The following A2M variants were observed in gnomAD, a reference collection of about 807,000 sequenced individuals.
A2M encodes alpha-2-macroglobulin.
In A2M, 128 loss-of-function variants were observed where a neutral mutation model predicts 183.9. The observed-to-expected ratio is 0.70, with a 90% CI of 0.60 to 0.81. A2M has a LOEUF of 0.81. Among genes scored for constraint, A2M ranks in the 30% least tolerant of loss-of-function variants. The pLI is 0.00. For missense variants in A2M, 1,495 were observed against 1,787.6 expected (o/e 0.84, Z 2.95); for synonymous variants, 592 against 670.8 (o/e 0.88, Z 1.81).
intron 4 of A2M, among the ~76,000 whole-genome samples, chr12:9,111,708 AC>A (rs1938741529): frequency 6.6e-6 from 1 of 152,216 alleles, no homozygotes. Context: ...TGTCTGCATT[AC>A]AATAGAAAGA....
Position 9,112,213 on chromosome 12 carries a change from T to A in A2M, c.431-2A>T, listed in dbSNP as rs1452853333. 3.1e-6 allele frequency: 5 copies of A among 1,613,782 alleles called. No homozygotes were observed. Among genetic ancestry groups the A allele is most frequent in the Non-Finnish European group, 4.2e-6 (5 of 1,179,754 alleles). On this transcript the variant is annotated splice_acceptor_variant, in intron 3 of 35. Coordinates refer to ENST00000318602, the MANE Select transcript of A2M (RefSeq NM_000014.6). LOFTEE classifies it high-confidence loss of function. The stretch of plus-strand genomic sequence containing the variant: ...CCATGGAGACAACACGAAATTTCAC[T>A]GAAACAGAAATATTTTTCATGAGCC...
chr12:9,090,245 A>T, intron 20 of A2M, 111 bp downstream of exon 20: 1 of 1,534,156 alleles, frequency 6.5e-7, no homozygotes, highest in East Asian at 2.3e-5. Flanking sequence ...AAAGGAAAAA[A>T]ATCGCAGCAT....
At chr12:9,090,334 T>A in intron 20 of A2M, 22 bp downstream of exon 20, 1 of 1,613,946 alleles carries the variant, frequency 6.2e-7, no homozygotes, top group Non-Finnish European at 8.5e-7. Flanking sequence ...TAGAGAATTA[T>A]CTCTAGCAGT....
intron 15 of A2M, among the ~76,000 whole-genome samples, chr12:9,097,073 G>A (rs1242777156): frequency 6.6e-6 from 1 of 152,134 alleles, no homozygotes; most frequent in Admixed American, 6.5e-5. Flanking sequence ...AAATAGGACT[G>A]TCTGCCTTAT....
intron 22 of A2M, among the ~76,000 whole-genome samples, chr12:9,081,283 T>C (rs1459711478): frequency 6.6e-6 from 1 of 152,176 alleles, no homozygotes; most frequent in Non-Finnish European, 1.5e-5. Flanking sequence ...GCAAAATTTT[T>C]TTTTCTAAAT....
chr12:9,109,682 C>T lies in A2M; in HGVS notation c.673+185G>A, dbSNP rs147235269. ...TATTAAATATTGCTACAGAAAATAA[C>T]GAAGCTATGTGAAGTCCTATTCACA... On this transcript the variant is annotated intron_variant, in intron 6 of 35. Coordinates refer to ENST00000318602, the MANE Select transcript of A2M (RefSeq NM_000014.6). 2.2e-3 allele frequency among the ~76,000 whole-genome samples: 334 copies of T among 152,198 alleles called. 1 individual carries two copies. Among genetic ancestry groups the T allele is most frequent in the African/African-American group, 7.4e-3 (308 of 41,502 alleles).
intron 4 of A2M, 59 bp from the exon 5 acceptor site, chr12:9,110,393 T>C: frequency 8.8e-7 from 1 of 1,133,714 alleles, no homozygotes; most frequent in Non-Finnish European, 1.2e-6. Context: ...TAAATCTCAT[T>C]TATAAGCAAA....
rs762044482 is a variant in A2M at position 9,094,988 on chromosome 12, G to A, written c.2110C>T (p.Arg704Cys). 5.1e-6 allele frequency: 8 copies of A among 1,561,930 alleles called. No individual in the cohort carries two copies. The highest frequency in any genetic ancestry group is 2.5e-5 in the South Asian group (2 of 78,884). ...QYEMHGPEGL[R>C]VGFYESDVMG... ...TTTTGTTTACCATAAAAACCTACAC[G>A]TAGACCTTCAGGTCCATGCATTTCA... The change falls in exon 17 of 36, where the codon CGT (arginine) becomes TGT (cysteine). Residue 704 changes from arginine to cysteine, a missense_variant. By Grantham distance (180) the Arg-to-Cys change is radical. Transcript: ENST00000318602.
Position 9,072,596 on chromosome 12 carries a change from CAGAG to C in A2M, c.3975+53_3975+56del, listed in dbSNP as rs1948610452. The C allele has an allele frequency of 1.2e-5, 20 of 1,601,882 alleles. No homozygotes were observed. In the South Asian group the frequency reaches 2.0e-4, roughly 16 times the overall value. ...CATTGTTTTCTGAGTTAGGACTTCT[CAGAG>C]AGAACAGCTGCTGTCCTCATCTGTC... On this transcript the variant is annotated intron_variant, in intron 30 of 35. Coordinates refer to ENST00000318602, the MANE Select transcript of A2M (RefSeq NM_000014.6).
At position 9,068,180 on chromosome 12, in the gene A2M, T is replaced by TA. The variant is rs770818887; in HGVS notation, c.4408+2dup. On this transcript the variant is annotated splice_region_variant and intron_variant, in intron 35 of 35. Transcript: ENST00000318602. ...GCCTTTTGGAGGAGTGTGAGTGGCTTACCTTTGCTGCAAGGAGCATTGTAC... is the reference window on the plus strand; with the variant it reads ...GCCTTTTGGAGGAGTGTGAGTGGCTTAACCTTTGCTGCAAGGAGCATTGTAC... The TA allele has an allele frequency of 6.2e-7, 1 of 1,612,630 alleles. No homozygotes were observed. Among genetic ancestry groups the TA allele is most frequent in the African/African-American group, 1.3e-5 (1 of 74,886 alleles).
Position 9,094,971 on chromosome 12 carries a change from A to G in A2M, c.2125+2T>C. On this transcript the variant is annotated splice_donor_variant, in intron 17 of 35. Coordinates refer to ENST00000318602, the MANE Select transcript of A2M (RefSeq NM_000014.6). LOFTEE classifies it high-confidence loss of function. ...ATATATATTTATTAATTTTTTGTTT[A>G]CCATAAAAACCTACACGTAGACCTT... 6.7e-7 allele frequency: 1 copy of G among 1,484,390 alleles called. No homozygotes were observed. The highest frequency in any genetic ancestry group is 9.1e-7 in the Non-Finnish European group (1 of 1,104,256). The allele number at this position is 1,484,390 out of a possible 1,614,324, so 92.0% of individuals were successfully genotyped here. A position where few individuals can be genotyped will look rare whatever the true frequency, so the allele number is the denominator to read the frequency against.
intron 8 of A2M, 109 bp downstream of exon 8, chr12:9,107,415 G>T: frequency 1.5e-6 from 2 of 1,313,912 alleles, no homozygotes; most frequent in Non-Finnish European, 1.0e-6. Context: ...AGCCAACATG[G>T]AATTCTCTTC....
At chr12:9,069,954 T>A in intron 32 of A2M, 141 bp from the exon 33 acceptor site, 1 of 673,612 alleles carries the variant, frequency 1.5e-6, no homozygotes, top group Non-Finnish European at 2.6e-6. Flanking sequence ...TATAATGTAA[T>A]ACAATTAAAA....
chr12:9,107,687 A>G (rs753272767), intron 7 of A2M, 43 bp from the exon 8 acceptor site: 6 of 1,601,728 alleles, frequency 3.7e-6, no homozygotes, highest in Non-Finnish European at 5.1e-6. Flanking sequence ...CAGACACTGA[A>G]CCTCCCCATT....
In A2M at chr12:9,067,819, G is replaced by A; in HGVS notation, c.*4C>T. 6.2e-7 allele frequency: 1 copy of A among 1,612,812 alleles called. No homozygotes were observed. The highest frequency in any genetic ancestry group is 8.5e-7 in the Non-Finnish European group (1 of 1,179,436). On this transcript the variant is annotated 3_prime_UTR_variant, in exon 36 of 36. Coordinates refer to ENST00000318602, the MANE Select transcript of A2M (RefSeq NM_000014.6). ...CAGCAAAGCACTTTTCAGCCTTGTG[G>A]TCTTCAAGCATTTCCAAGATCTGTG... is the stretch of plus-strand genomic sequence containing the variant.
rs746425147 is a variant in A2M, at chr12:9,088,638, G to A, written c.2770+562C>T. ...TGTTGGTTTGGGGTGAGAATGCATT[G>A]TGCTGATAAATTTCTTAGTGTATTA... On this transcript the variant is annotated intron_variant, in intron 22 of 35. Coordinates refer to ENST00000318602, the MANE Select transcript of A2M (RefSeq NM_000014.6). 3.3e-5 allele frequency among the ~76,000 whole-genome samples: 5 copies of A among 152,256 alleles called. No individual in the cohort carries two copies. In the South Asian group the frequency reaches 8.3e-4, roughly 25 times the overall value.
intron 23 of A2M, 122 bp from the exon 24 acceptor site, chr12:9,079,937 G>T: frequency 9.4e-7 from 1 of 1,066,842 alleles, no homozygotes; most frequent in Non-Finnish European, 1.3e-6. Context: ...GATTCTTCCA[G>T]GGATAGAAGT....
intron 10 of A2M, among the ~76,000 whole-genome samples, chr12:9,105,630 A>G (rs184695472): frequency 6.6e-6 from 1 of 152,326 alleles, no homozygotes; most frequent in East Asian, 1.9e-4. Flanking sequence ...AAATTGTAAG[A>G]GAAGATTTTT....
In A2M at chr12:9,093,613, A is replaced by G. The variant is rs750972861; in HGVS notation, c.2126-34T>C. 7 of 1,268,198 alleles carry G rather than the reference A, an allele frequency of 5.5e-6. No homozygotes were observed. The South Asian group carries it at 9.2e-5, about 17-fold the overall frequency. The allele number at this position is 1,268,198 out of a possible 1,614,324, so 78.6% of individuals were successfully genotyped here. On this transcript the variant is annotated intron_variant, in intron 17 of 35. Transcript: ENST00000318602. The stretch of plus-strand genomic sequence containing the variant: ...AGTGAGGAAGAAGACATTACAATAA[A>G]CATACAGATAAAGCTTATGAGAGAA...
Sources: allele counts gnomAD v4.1 joint callset (sites outside exome capture counted in the v4.1 genomes callset), GRCh38; gene constraint gnomAD v4.1.1; transcripts MANE v1.5; gene names NCBI Gene and HGNC (gene_info 2026-07-23, HGNC 2026-07-21).